TMEM245: variants seen among roughly 807,000 people sequenced by gnomAD.
TMEM245 encodes protein CG-2.
A neutral mutation model predicts 101.2 loss-of-function variants in TMEM245; 69 were observed. That is an observed-to-expected ratio of 0.68 (90% CI 0.56 to 0.83). TMEM245 has a LOEUF of 0.83. Ranked by LOEUF, TMEM245 falls within the 40% of genes least tolerant of loss-of-function variation. TMEM245 has a pLI of 0.00. For missense variants in TMEM245, 1,075 were observed against 1,092.8 expected (o/e 0.98, Z 0.23); for synonymous variants, 537 against 449.8 (o/e 1.19, Z -2.45).
chr9:109,057,404 G>A (rs1391267819), intron 11 of TMEM245, 82 bp from the exon 12 acceptor site: 3 of 1,507,338 alleles, frequency 2.0e-6, no homozygotes, highest in Non-Finnish European at 2.7e-6. Context: ...TTTGCTTCAG[G>A]TCCCCTTCAT....
chr9:109,072,277 C>A (rs1164593900), intron 9 of TMEM245, among the ~76,000 whole-genome samples: 1 of 152,186 alleles, frequency 6.6e-6, no homozygotes, highest in Non-Finnish European at 1.5e-5. Context: ...GGAATGTGGA[C>A]AGATGTGCAG....
At chr9:109,043,574 C>G (rs1275406538) in intron 14 of TMEM245, among the ~76,000 whole-genome samples, 1 of 149,612 alleles carries the variant, frequency 6.7e-6, no homozygotes, top group Non-Finnish European at 1.5e-5. Flanking sequence ...TAATTTTAGT[C>G]CAAGCTCTCC....
chr9:109,079,780 GAAA>G (rs796106627), intron 8 of TMEM245, among the ~76,000 whole-genome samples: 101 of 147,998 alleles, frequency 6.8e-4, no homozygotes, highest in African/African-American at 2.5e-3. Context: ...GAGGAGAAAG[GAAA>G]AAAAAAGACC....
chr9:109,091,285 T>G (rs1248789296), intron 4 of TMEM245, 130 bp from the exon 5 acceptor site: 1 of 724,598 alleles, frequency 1.4e-6, no homozygotes, highest in Non-Finnish European at 2.2e-6. Context: ...TACATCGGGT[T>G]AAAAAAGACA....
rs1243293103 is a variant in TMEM245, at chr9:109,015,847, T to C, written c.*4613A>G. Reference sequence around the variant, plus strand: ...GCATTATTAAAATGTAATATCAATATATCACCACTGTATTTGCACATTAGT... The same window carrying C: ...GCATTATTAAAATGTAATATCAATACATCACCACTGTATTTGCACATTAGT... On this transcript the variant is annotated 3_prime_UTR_variant, in exon 18 of 18. Coordinates refer to ENST00000374586, the MANE Select transcript of TMEM245 (RefSeq NM_032012.4). 2 of 152,390 alleles carry C rather than the reference T, an allele frequency of 1.3e-5. No homozygotes were observed. Among genetic ancestry groups the C allele is most frequent in the African/African-American group, 4.8e-5 (2 of 41,470 alleles). The allele number at this position is 152,390 out of a possible 1,614,324, so 9.4% of individuals were successfully genotyped here.
intron 9 of TMEM245, among the ~76,000 whole-genome samples, chr9:109,072,692 A>T (rs1829371817): frequency 6.6e-6 from 1 of 152,204 alleles, no homozygotes; most frequent in African/African-American, 2.4e-5. Context: ...CCTCAAAAAT[A>T]ATACAATATG....
chr9:109,116,870 T>C (rs1456356254), intron 1 of TMEM245, among the ~76,000 whole-genome samples: 2 of 152,076 alleles, frequency 1.3e-5, no homozygotes, highest in Non-Finnish European at 2.9e-5. Flanking sequence ...CCTTGTCTTC[T>C]CAAGTACACC....
intron 3 of TMEM245, among the ~76,000 whole-genome samples, chr9:109,098,892 C>A (rs182118164): frequency 6.6e-6 from 1 of 152,298 alleles, no homozygotes; most frequent in Admixed American, 6.5e-5. Flanking sequence ...GAGTCCGGCA[C>A]ACAAGAAAGA....
chr9:109,108,407 C>G, intron 2 of TMEM245, 46 bp downstream of exon 2: 1 of 1,173,022 alleles, frequency 8.5e-7, no homozygotes, highest in Non-Finnish European at 1.2e-6. Flanking sequence ...CTCTGCTGAC[C>G]TTAGGCTAGA....
intron 17 of TMEM245, among the ~76,000 whole-genome samples, chr9:109,030,508 C>A (rs967391808): frequency 6.6e-6 from 1 of 152,176 alleles, no homozygotes; most frequent in Non-Finnish European, 1.5e-5. Flanking sequence ...AAGTTTTTCT[C>A]AAAATAACAG....
intron 14 of TMEM245, among the ~76,000 whole-genome samples, chr9:109,045,173 T>A (rs1828447671): frequency 6.6e-6 from 1 of 152,216 alleles, no homozygotes; most frequent in South Asian, 2.1e-4. Flanking sequence ...AACTTATGCC[T>A]TCTAAGTAAT....
At chr9:109,062,485 T>C (rs1829045904) in intron 10 of TMEM245, among the ~76,000 whole-genome samples, 1 of 152,260 alleles carries the variant, frequency 6.6e-6, no homozygotes, top group African/African-American at 2.4e-5. Context: ...ATTTTCTTCT[T>C]TATTAATGAA....
At chr9:109,064,421 A>T in intron 10 of TMEM245, 56 bp downstream of exon 10, 1 of 1,496,398 alleles carries the variant, frequency 6.7e-7, no homozygotes, top group Non-Finnish European at 9.2e-7. Flanking sequence ...AGCAACAAGC[A>T]ACCACCAGTA....
chr9:109,106,163 T>C (rs1356214784), intron 3 of TMEM245, among the ~76,000 whole-genome samples: 1 of 148,426 alleles, frequency 6.7e-6, no homozygotes, highest in Admixed American at 6.8e-5. Flanking sequence ...AGTTCAAGGT[T>C]ACAGTGAGCT....
At chr9:109,093,403 G>A in intron 4 of TMEM245, 72 bp downstream of exon 4, 3 of 1,257,232 alleles carry the variant, frequency 2.4e-6, no homozygotes, top group Non-Finnish European at 3.4e-6. Context: ...TGATGCTGGT[G>A]TCCTGAATTT....
At chr9:109,040,973 G>A (rs1828283996) in intron 14 of TMEM245, among the ~76,000 whole-genome samples, 1 of 152,152 alleles carries the variant, frequency 6.6e-6, no homozygotes. Context: ...GAGATACTGG[G>A]TCATACGGTA....
intron 8 of TMEM245, among the ~76,000 whole-genome samples, chr9:109,079,833 C>T (rs1331724688): frequency 6.6e-6 from 1 of 151,966 alleles, no homozygotes; most frequent in Non-Finnish European, 1.5e-5. Context: ...TGCACAGTAG[C>T]AGGTTTAAGC....
At chr9:109,033,994 T>C (rs985947843) in intron 16 of TMEM245, among the ~76,000 whole-genome samples, 3 of 152,252 alleles carry the variant, frequency 2.0e-5, no homozygotes, top group East Asian at 1.9e-4. Context: ...GTTTTTAACA[T>C]AGGTGATGAT....
At position 109,119,534 on chromosome 9, in the gene TMEM245, G is replaced by A. The variant is rs1231373367; in HGVS notation, c.380C>T (p.Pro127Leu). Residue 127 changes from proline to leucine, a missense_variant, in exon 1 of 18, where the codon CCG (proline) becomes CTG (leucine). Pro to Leu is a moderately conservative substitution (Grantham distance 98). This residue lies in a region of TMEM245 where 808 missense variants were observed against 741.5 expected (regional missense o/e 1.09). Transcript: ENST00000374586. ...TPIVLAALLL[P>L]LCFVDYGVEA... ...GACGCCGTAGTCGACGAAGCAGAGCGGCAGGAGCAGCGCGGCCAGGACGAT... is the reference window on the plus strand; with the variant it reads ...GACGCCGTAGTCGACGAAGCAGAGCAGCAGGAGCAGCGCGGCCAGGACGAT... 6.5e-7 allele frequency: 1 copy of A among 1,530,374 alleles called. No individual in the cohort carries two copies. Among genetic ancestry groups the A allele is most frequent in the Non-Finnish European group, 8.7e-7 (1 of 1,144,270 alleles). 94.8% of individuals were successfully genotyped at this position (1,530,374 alleles called of 1,614,324 possible).
Sources: allele counts gnomAD v4.1 joint callset (sites outside exome capture counted in the v4.1 genomes callset), GRCh38; gene constraint gnomAD v4.1.1; regional missense constraint gnomAD v4.1.1; transcripts MANE v1.5; gene names NCBI Gene and HGNC (gene_info 2026-07-23, HGNC 2026-07-21).